The following NRG4 variants were observed in gnomAD, a reference collection of about 807,000 sequenced individuals.
NRG4 encodes pro-neuregulin-4, membrane-bound isoform.
A neutral mutation model predicts 15.0 loss-of-function variants in NRG4; 10 were observed. The ratio of observed to expected loss-of-function variants is 0.67; its 90% CI spans 0.41 to 1.13. The LOEUF (loss-of-function observed/expected upper bound fraction) is 1.13. Ranked by LOEUF, NRG4 falls within the 50% of genes most tolerant of loss-of-function variation. The probability of loss-of-function intolerance (pLI) is 0.00; values close to 1 mark genes in which losing one functional copy is unlikely to be tolerated. For synonymous variants in NRG4, 41 were observed against 50.1 expected, an observed-to-expected ratio of 0.82 and a Z score of 0.77; for missense variants, 139 against 140.2, an observed-to-expected ratio of 0.99 and a Z score of 0.04.
chr15:75,973,876 C>G (rs1234279410), intron 3 of NRG4, among the ~76,000 whole-genome samples: 1 of 152,128 alleles, frequency 6.6e-6, no homozygotes, highest in Non-Finnish European at 1.5e-5. Context: ...ATGATGCTGG[C>G]CTCATAAAAT....
At chr15:76,014,931 G>A (rs1277770311), upstream of NRG4, among the ~76,000 whole-genome samples, 1 of 152,110 alleles carries the variant, frequency 6.6e-6, no homozygotes, top group African/African-American at 2.4e-5. Context: ...AAATTACTTT[G>A]GGCAGTATAG....
intron 3 of NRG4, among the ~76,000 whole-genome samples, chr15:75,976,286 C>T (rs1422568496): frequency 2.0e-5 from 3 of 152,124 alleles, no homozygotes; most frequent in Non-Finnish European, 2.9e-5. Flanking sequence ...AGAACATGCT[C>T]GTTTAGCTTG....
rs1206852933 is a variant in NRG4 at position 75,946,816 on chromosome 15, CT to C, written c.332-3163del. On this transcript the variant is annotated intron_variant, in intron 5 of 5. Coordinates refer to ENST00000394907, the MANE Select transcript of NRG4 (RefSeq NM_138573.4). Reference sequence around the variant, plus strand: ...ATACGTGGAATCACACAATACTTACCTTTCGTGTTTGGCTTTTTCACTTAGC... The same window carrying C: ...ATACGTGGAATCACACAATACTTACCTTCGTGTTTGGCTTTTTCACTTAGC... 2.6e-5 allele frequency among the ~76,000 whole-genome samples: 4 copies of C among 152,240 alleles called. No individual in the cohort carries two copies. The East Asian group carries it at 7.7e-4, about 29-fold the overall frequency.
At chr15:76,026,081 A>C (rs1323561093) in intron 5 of NRG4, among the ~76,000 whole-genome samples, 1 of 152,200 alleles carries the variant, frequency 6.6e-6, no homozygotes, top group African/African-American at 2.4e-5. Flanking sequence ...AGAAGAAAAG[A>C]AGGGGAAAAA....
At chr15:75,981,778 A>G (rs2141852733) in intron 3 of NRG4, among the ~76,000 whole-genome samples, 1 of 152,358 alleles carries the variant, frequency 6.6e-6, no homozygotes, top group African/African-American at 2.4e-5. Context: ...ACTACAAAAT[A>G]TAAGTGAAGA....
chr15:76,044,544 T>C (rs1256488656), intron 4 of NRG4, among the ~76,000 whole-genome samples: 1 of 150,078 alleles, frequency 6.7e-6, no homozygotes, highest in Non-Finnish European at 1.5e-5. Context: ...GGGCAAAGAT[T>C]TCTTGAGTAG....
chr15:75,983,550 G>A (rs1340989353), intron 3 of NRG4, among the ~76,000 whole-genome samples: 2 of 152,066 alleles, frequency 1.3e-5, no homozygotes, highest in Non-Finnish European at 2.9e-5. Flanking sequence ...ATTAGAAGGA[G>A]ATAAGTAAAA....
chr15:76,020,165 G>A (rs2035108847), intron 5 of NRG4, among the ~76,000 whole-genome samples: 1 of 152,116 alleles, frequency 6.6e-6, no homozygotes, highest in Admixed American at 6.5e-5. Context: ...TATTCTGAAT[G>A]CTCCATTGAC....
chr15:75,944,346 C>T (rs2031313497), intron 5 of NRG4, among the ~76,000 whole-genome samples: 2 of 152,132 alleles, frequency 1.3e-5, no homozygotes, highest in Admixed American at 1.3e-4. Flanking sequence ...CATGATCATA[C>T]TGTTACACTG....
In NRG4 at chr15:76,052,803, TTCCAG is replaced by T. The variant is rs1207151238; in HGVS notation, c.-216+130_-216+134del. 1.2e-4 allele frequency: 18 copies of T among 151,268 alleles called. 1 individual carries two copies. The highest frequency in any genetic ancestry group is 4.2e-4 in the African/African-American group (17 of 40,726). The allele number at this position is 151,268 out of a possible 1,614,324, so 9.4% of individuals were successfully genotyped here. On this transcript the variant is annotated intron_variant, in intron 3 of 8. Transcript: ENST00000563910. Reference sequence around the variant, plus strand: ...CATATATTAAAAATACGAATTTGTATTCCAGTCAATAGTTAGAATGCAACAATCAA... The same window carrying T: ...CATATATTAAAAATACGAATTTGTATTCAATAGTTAGAATGCAACAATCAA...
At position 76,034,476 on chromosome 15, in the gene NRG4, A is replaced by C. The variant is rs893493727; in HGVS notation, c.-57+1468T>G. Among the ~76,000 whole-genome samples, 3 of 152,314 alleles carry C rather than the reference A, an allele frequency of 2.0e-5. No individual in the cohort carries two copies. The East Asian group carries it at 5.8e-4, about 29-fold the overall frequency. Reference sequence around the variant, plus strand: ...GCGACATCTAAGGTAGTTTCTAAACAGACACCCTTCCCAGGGGCTCCAAAG... The same window carrying C: ...GCGACATCTAAGGTAGTTTCTAAACCGACACCCTTCCCAGGGGCTCCAAAG... On this transcript the variant is annotated intron_variant, in intron 5 of 8. Coordinates refer to the NRG4 transcript ENST00000563910.
chr15:75,972,363 CTTTAG>C (rs2033136839), intron 3 of NRG4, among the ~76,000 whole-genome samples: 1 of 152,108 alleles, frequency 6.6e-6, no homozygotes, highest in African/African-American at 2.4e-5. Flanking sequence ...TGCAGAAGCT[CTTTAG>C]TTTAATTAGA....
At chr15:75,982,755 A>C (rs2033653535) in intron 3 of NRG4, among the ~76,000 whole-genome samples, 1 of 152,214 alleles carries the variant, frequency 6.6e-6, no homozygotes, top group Admixed American at 6.5e-5. Context: ...ACTAGAAAAA[A>C]GAAGCTATGA....
At position 75,943,235 on chromosome 15, in the gene NRG4, A is replaced by G. The variant is rs142813932; in HGVS notation, c.*403T>C. ...TGCAGCTTCTCAGATAACAGCAGGAATGAGGTGGTTTTGAAGCCACTAAGC... is the reference window on the plus strand; with the variant it reads ...TGCAGCTTCTCAGATAACAGCAGGAGTGAGGTGGTTTTGAAGCCACTAAGC... On this transcript the variant is annotated 3_prime_UTR_variant, in exon 6 of 6. Transcript: ENST00000394907. 2.4e-5 allele frequency: 4 copies of G among 167,856 alleles called. No homozygotes were observed. The East Asian group carries it at 6.6e-4, about 28-fold the overall frequency. The allele number at this position is 167,856 out of a possible 1,614,324, so 10.4% of individuals were successfully genotyped here. A position where few individuals can be genotyped will look rare whatever the true frequency, so the allele number is the denominator to read the frequency against.
chr15:75,941,945 A>G lies in NRG4; in HGVS notation c.*1693T>C, dbSNP rs1036551316. 3 of 102,144 alleles carry G rather than the reference A, an allele frequency of 2.9e-5. No homozygotes were observed. The highest frequency in any genetic ancestry group is 1.1e-4 in the African/African-American group (3 of 27,720). The allele number at this position is 102,144 out of a possible 1,614,324, so 6.3% of individuals were successfully genotyped here. A position where few individuals can be genotyped will look rare whatever the true frequency, so the allele number is the denominator to read the frequency against. Reference sequence around the variant, plus strand: ...ACAGTAAATTTTTAAACCACCAAAAAAAAAAAAAAAAAAAAATATGGCCTA... The same window carrying G: ...ACAGTAAATTTTTAAACCACCAAAAGAAAAAAAAAAAAAAAATATGGCCTA... On this transcript the variant is annotated 3_prime_UTR_variant, in exon 6 of 6. Coordinates refer to ENST00000394907, the MANE Select transcript of NRG4 (RefSeq NM_138573.4).
At chr15:76,011,138 C>T in intron 2 of NRG4, 83 bp downstream of exon 2, 2 of 1,118,242 alleles carry the variant, frequency 1.8e-6, no homozygotes, top group Non-Finnish European at 2.4e-6. Context: ...ATAATACAGC[C>T]TTGTGTTAAT....
At chr15:76,051,478 A>G (rs1366333103) in intron 4 of NRG4, among the ~76,000 whole-genome samples, 1 of 150,750 alleles carries the variant, frequency 6.6e-6, no homozygotes, top group Non-Finnish European at 1.5e-5. Flanking sequence ...TTTAAATCAC[A>G]AAGACCAGAC....
chr15:75,995,284 ATCTGCTTCTGGTGAG>A (rs2034172708), intron 3 of NRG4, among the ~76,000 whole-genome samples: 1 of 152,154 alleles, frequency 6.6e-6, no homozygotes, highest in Non-Finnish European at 1.5e-5. Flanking sequence ...TGGTGCCAGC[ATCTGCTTCTGGTGAG>A]CACTCAGGAA....
chr15:76,025,188 C>T (rs982604789), intron 5 of NRG4, among the ~76,000 whole-genome samples: 1 of 152,142 alleles, frequency 6.6e-6, no homozygotes, highest in African/African-American at 2.4e-5. Context: ...ACCTGTAATC[C>T]CAGCACTTTG....
Sources: gnomAD v4.1 joint callset for allele counts (sites outside exome capture counted in the v4.1 genomes callset) on GRCh38, gnomAD v4.1.1 for gene constraint, MANE v1.5 for transcripts, NCBI Gene and HGNC (gene_info 2026-07-23, HGNC 2026-07-21) for gene names.